The following CPS1 variants were observed in gnomAD, a reference collection of about 807,000 sequenced individuals.
The protein encoded by CPS1 is carbamoyl-phosphate synthase 1.
In CPS1, 109 loss-of-function variants were observed where a neutral mutation model predicts 174.6. That is an observed-to-expected ratio of 0.62 (90% CI 0.53 to 0.73). The LOEUF (loss-of-function observed/expected upper bound fraction) is 0.73, where lower values mean the gene tolerates loss of function less well. Ranked by LOEUF, CPS1 falls within the 30% of genes least tolerant of loss-of-function variation. The pLI, the probability that CPS1 is intolerant of heterozygous loss-of-function variation, is 0.00. For synonymous variants in CPS1, 637 were observed against 632.0 expected (o/e 1.01, Z -0.12); for missense variants, 1,689 against 1,821.9 (o/e 0.93, Z 1.33).
intron 1 of CPS1, among the ~76,000 whole-genome samples, chr2:210,506,164 C>T (rs373338121): frequency 6.6e-5 from 10 of 152,212 alleles, no homozygotes; most frequent in South Asian, 2.1e-4. Context: ...CTCACATGGC[C>T]GGGTACTCCT....
chr2:210,490,067 A>G (rs866443777), intron 1 of CPS1, among the ~76,000 whole-genome samples: 1 of 150,880 alleles, frequency 6.6e-6, no homozygotes, highest in Non-Finnish European at 1.5e-5. Context: ...GATGGAAGGA[A>G]GAAGGAAGGA....
intron 21 of CPS1, among the ~76,000 whole-genome samples, chr2:210,634,643 A>G (rs12694205): frequency 0.42 from 64,439 of 151,994 alleles, 14,743 homozygotes; most frequent in Middle Eastern, 0.57. Context: ...CTTCTCCCAC[A>G]GCACCTCTCA....
intron 1 of CPS1, among the ~76,000 whole-genome samples, chr2:210,544,190 A>C (rs1055348533): frequency 6.6e-6 from 1 of 152,078 alleles, no homozygotes; most frequent in Non-Finnish European, 1.5e-5. Flanking sequence ...CATGCTGCAC[A>C]CTTGTTAGCA....
intron 2 of CPS1, among the ~76,000 whole-genome samples, chr2:210,575,231 A>C (rs973524412): frequency 2.6e-5 from 4 of 152,090 alleles, no homozygotes; most frequent in Non-Finnish European, 4.4e-5. Flanking sequence ...TGAAGAATTT[A>C]TGTTGACTAC....
chr2:210,626,667 C>A (rs139038787), intron 21 of CPS1, among the ~76,000 whole-genome samples: 1 of 152,038 alleles, frequency 6.6e-6, no homozygotes, highest in African/African-American at 2.4e-5. Flanking sequence ...TGAGAACTAA[C>A]CAGTGTTTGT....
At chr2:210,655,487 G>T (rs1700673717) in intron 29 of CPS1, among the ~76,000 whole-genome samples, 1 of 151,992 alleles carries the variant, frequency 6.6e-6, no homozygotes, top group Non-Finnish European at 1.5e-5. Flanking sequence ...AGAACTGCAG[G>T]TTGCTGAGCT....
chr2:210,567,341 G>A (rs1394390044), intron 1 of CPS1, among the ~76,000 whole-genome samples: 1 of 152,016 alleles, frequency 6.6e-6, no homozygotes, highest in Non-Finnish European at 1.5e-5. Context: ...ACAAAAAACA[G>A]TAAAAATATA....
intron 1 of CPS1, among the ~76,000 whole-genome samples, chr2:210,485,459 T>C (rs1008524236): frequency 2.0e-5 from 3 of 152,128 alleles, no homozygotes; most frequent in African/African-American, 7.2e-5. Flanking sequence ...TTCCTAGCCA[T>C]GGACAATCAC....
At chr2:210,522,389 T>A (rs190497152) in intron 1 of CPS1, among the ~76,000 whole-genome samples, 8 of 152,108 alleles carry the variant, frequency 5.3e-5, no homozygotes, top group Admixed American at 2.6e-4. Context: ...TTTTAAGAAT[T>A]TTTTTTAAAC....
At chr2:210,569,865 G>C (rs1028731288) in intron 1 of CPS1, among the ~76,000 whole-genome samples, 3 of 151,866 alleles carry the variant, frequency 2.0e-5, no homozygotes, top group African/African-American at 7.3e-5. Flanking sequence ...TTCAAAGTAA[G>C]ACGTGCTCTG....
intron 36 of CPS1, 105 bp downstream of exon 36, chr2:210,675,945 T>C (rs888557955): frequency 4.1e-6 from 3 of 723,104 alleles, no homozygotes; most frequent in African/African-American, 3.5e-5. Context: ...TTAAAACAAA[T>C]TTAAAAATGA....
chr2:210,668,117 A>C lies in CPS1; in HGVS notation c.4003-69A>C, dbSNP rs1023037920. On this transcript the variant is annotated intron_variant, in intron 33 of 37. Coordinates refer to ENST00000233072, the MANE Select transcript of CPS1 (RefSeq NM_001875.5). ...GTGTGTGTGTGTGTATTTTAATTTTAATTTTTGGTAGGAGTGGTTGACTAT... is the reference window on the plus strand; with the variant it reads ...GTGTGTGTGTGTGTATTTTAATTTTCATTTTTGGTAGGAGTGGTTGACTAT... 7.1e-6 allele frequency: 7 copies of C among 982,132 alleles called. No homozygotes were observed. In the African/African-American group the frequency reaches 1.2e-4, roughly 16 times the overall value. The allele number at this position is 982,132 out of a possible 1,614,324, so 60.8% of individuals were successfully genotyped here.
At chr2:210,676,959 A>C (rs375348487) in intron 36 of CPS1, 48 bp from the exon 37 acceptor site, 16 of 1,577,072 alleles carry the variant, frequency 1.0e-5, no homozygotes, top group Non-Finnish European at 1.4e-5. Flanking sequence ...TTATAAACTA[A>C]CTATAAAATA....
At chr2:210,562,649 C>T (rs1160152871) in intron 1 of CPS1, among the ~76,000 whole-genome samples, 3 of 151,962 alleles carry the variant, frequency 2.0e-5, no homozygotes, top group Non-Finnish European at 4.4e-5. Context: ...AGTACTGAGG[C>T]GAACTAATAG....
rs571880437 is a variant in CPS1 at position 210,520,611 on chromosome 2, T to A, written c.4-36108T>A. Among the ~76,000 whole-genome samples, 3 of 152,174 alleles carry A rather than the reference T, an allele frequency of 2.0e-5. No individual in the cohort carries two copies. The South Asian group carries it at 6.2e-4, about 32-fold the overall frequency. On this transcript the variant is annotated intron_variant, in intron 1 of 38. Transcript: ENST00000430249. Reference sequence around the variant, plus strand: ...CATTATCTCTCCTTTTTGCCTACTCTGTCTGTCTCTAGTTGACTCTTGATC... The same window carrying A: ...CATTATCTCTCCTTTTTGCCTACTCAGTCTGTCTCTAGTTGACTCTTGATC...
chr2:210,577,078 C>G (rs910223154), intron 3 of CPS1: 1 of 294,440 alleles, frequency 3.4e-6, no homozygotes. Flanking sequence ...AATTTTTTCT[C>G]TGCTTTAAGT....
intron 1 of CPS1, among the ~76,000 whole-genome samples, chr2:210,567,524 G>A (rs547253328): frequency 1.4e-4 from 22 of 152,182 alleles, no homozygotes; most frequent in African/African-American, 5.1e-4. Context: ...AAAAGTAAAG[G>A]AAGAAAAAGA....
intron 8 of CPS1, 47 bp downstream of exon 8, chr2:210,590,281 C>T (rs2106108010): frequency 7.4e-6 from 12 of 1,611,416 alleles, no homozygotes; most frequent in Non-Finnish European, 1.0e-5. Context: ...GAGGTGGGGG[C>T]TTCCGCTCTA....
chr2:210,651,979 A>C (rs1005798287), intron 28 of CPS1, among the ~76,000 whole-genome samples: 1 of 152,228 alleles, frequency 6.6e-6, no homozygotes, highest in Non-Finnish European at 1.5e-5. Context: ...TATGATGAGC[A>C]ATGAACATCG....
Sources: allele counts gnomAD v4.1 joint callset (sites outside exome capture counted in the v4.1 genomes callset), GRCh38; gene constraint gnomAD v4.1.1; transcripts MANE v1.5; gene names NCBI Gene and HGNC (gene_info 2026-07-23, HGNC 2026-07-21).